Variants in GADL1 observed in about 807,000 individuals in gnomAD.
The protein encoded by GADL1 is acidic amino acid decarboxylase GADL1.
In GADL1, 71 loss-of-function variants were observed where a neutral mutation model predicts 69.5. That is an observed-to-expected ratio of 1.02 (90% CI 0.84 to 1.25). The LOEUF is 1.25. Ranked by LOEUF, GADL1 falls within the 50% of genes most tolerant of loss-of-function variation. The pLI, the probability that GADL1 is intolerant of heterozygous loss-of-function variation, is 0.00. For synonymous variants in GADL1, 254 were observed against 214.4 expected (o/e 1.18, Z -1.62); for missense variants, 737 against 631.8 (o/e 1.17, Z -1.79).
intron 11 of GADL1, among the ~76,000 whole-genome samples, chr3:30,831,246 A>G (rs1362357543): frequency 6.6e-6 from 1 of 151,986 alleles, no homozygotes; most frequent in Non-Finnish European, 1.5e-5. Context: ...TTAGTCTCAT[A>G]TTATGTCAAT....
chr3:30,765,435 C>A (rs1185911525), intron 14 of GADL1, among the ~76,000 whole-genome samples: 1 of 151,000 alleles, frequency 6.6e-6, no homozygotes, highest in Non-Finnish European at 1.5e-5. Flanking sequence ...AAATGAAGTT[C>A]ATGCCTTATT....
intron 1 of GADL1, among the ~76,000 whole-genome samples, chr3:30,864,132 TTCCTC>T (rs1037707271): frequency 6.6e-6 from 1 of 152,026 alleles, no homozygotes; most frequent in Non-Finnish European, 1.5e-5. Context: ...TGAAGGTACT[TTCCTC>T]TCCTCCCAAA....
chr3:30,863,568 A>G (rs1559364282), intron 1 of GADL1, among the ~76,000 whole-genome samples: 1 of 151,930 alleles, frequency 6.6e-6, no homozygotes, highest in Non-Finnish European at 1.5e-5. Flanking sequence ...TCTTTTTCTA[A>G]TCAGTATGTT....
intron 11 of GADL1, among the ~76,000 whole-genome samples, chr3:30,824,906 C>T (rs945252983): frequency 5.3e-5 from 8 of 151,756 alleles, no homozygotes; most frequent in Non-Finnish European, 8.8e-5. Flanking sequence ...TTATTTTATG[C>T]ATGTTTTTAT....
At chr3:30,807,326 C>T (rs1193578903) in intron 11 of GADL1, among the ~76,000 whole-genome samples, 1 of 152,178 alleles carries the variant, frequency 6.6e-6, no homozygotes, top group South Asian at 2.1e-4. Context: ...TATTACAACC[C>T]TCACCCACCT....
At chr3:30,778,656 TC>T in intron 13 of GADL1, 3 of 159,976 alleles carry the variant, frequency 1.9e-5, no homozygotes, top group Admixed American at 6.0e-5. Context: ...TTCCAATAAT[TC>T]TTCTTAAGGC....
intron 14 of GADL1, among the ~76,000 whole-genome samples, chr3:30,739,812 T>C (rs935311068): frequency 1.3e-5 from 2 of 152,308 alleles, no homozygotes; most frequent in Middle Eastern, 3.4e-3. Context: ...ATGTTAAGTA[T>C]GAGGTGTTTG....
chr3:30,889,240 C>A (rs1485354908), intron 1 of GADL1, among the ~76,000 whole-genome samples: 1 of 151,992 alleles, frequency 6.6e-6, no homozygotes, highest in African/African-American at 2.4e-5. Context: ...GTGGAACTGC[C>A]CTTTATAAAA....
intron 1 of GADL1, among the ~76,000 whole-genome samples, chr3:30,870,262 G>A (rs1698461838): frequency 6.6e-6 from 1 of 151,698 alleles, no homozygotes; most frequent in African/African-American, 2.4e-5. Flanking sequence ...GATATAATTT[G>A]GAAAAAATGT....
At chr3:30,784,663 TTG>T (rs1559498849) in intron 13 of GADL1, among the ~76,000 whole-genome samples, 1 of 152,240 alleles carries the variant, frequency 6.6e-6, no homozygotes, top group Non-Finnish European at 1.5e-5. Context: ...GTTTCCAAGT[TTG>T]TCTTGCTTAT....
intron 3 of GADL1, among the ~76,000 whole-genome samples, chr3:30,856,770 G>A (rs1212081214): frequency 6.6e-6 from 1 of 151,958 alleles, no homozygotes; most frequent in East Asian, 1.9e-4. Flanking sequence ...TGTGGGGGTT[G>A]GCAAGGAGAA....
intron 14 of GADL1, among the ~76,000 whole-genome samples, chr3:30,734,087 T>C (rs1313847740): frequency 1.3e-5 from 2 of 152,218 alleles, no homozygotes; most frequent in Admixed American, 1.3e-4. Context: ...TGAGAAAGCA[T>C]GAAATTCTTT....
At chr3:30,781,564 T>A (rs1374855789) in intron 13 of GADL1, among the ~76,000 whole-genome samples, 1 of 152,150 alleles carries the variant, frequency 6.6e-6, no homozygotes, top group African/African-American at 2.4e-5. Flanking sequence ...AGCTTATAGG[T>A]GTTAAGATTA....
rs781369581 is a variant in GADL1, at chr3:30,865,112, T to C, written c.38-3347A>G. ...TTACTGTCCTCCAAGCTCACACAGCTCTATCATCTGTGGTCTTTTTCACCA... is the reference window on the plus strand; with the variant it reads ...TTACTGTCCTCCAAGCTCACACAGCCCTATCATCTGTGGTCTTTTTCACCA... On this transcript the variant is annotated intron_variant, in intron 1 of 14. Coordinates refer to ENST00000282538, the MANE Select transcript of GADL1 (RefSeq NM_207359.3). 1.1e-3 allele frequency among the ~76,000 whole-genome samples: 162 copies of C among 151,902 alleles called. 5 individuals carry two copies. The highest frequency in any genetic ancestry group is 3.2e-4 in the Non-Finnish European group (22 of 67,938).
intron 6 of GADL1, 61 bp from the exon 7 acceptor site, chr3:30,844,527 T>C (rs537655834): frequency 9.4e-7 from 1 of 1,066,948 alleles, no homozygotes; most frequent in Admixed American, 1.7e-5. Flanking sequence ...AAAAAAGCAT[T>C]GCTTATTATC....
chr3:30,775,933 A>C (rs1427565264), intron 14 of GADL1, among the ~76,000 whole-genome samples: 3 of 152,212 alleles, frequency 2.0e-5, no homozygotes, highest in African/African-American at 4.8e-5. Context: ...AAAATACAAA[A>C]ATTCAGCTAA....
chr3:30,883,012 G>T (rs1242982430), intron 1 of GADL1, among the ~76,000 whole-genome samples: 1 of 151,916 alleles, frequency 6.6e-6, no homozygotes, highest in African/African-American at 2.4e-5. Flanking sequence ...TTTAAGTTGA[G>T]TGATATAATT....
intron 9 of GADL1, among the ~76,000 whole-genome samples, chr3:30,836,379 A>G (rs1697873382): frequency 7.0e-6 from 1 of 142,950 alleles, no homozygotes; most frequent in Non-Finnish European, 1.5e-5. Context: ...GGAACAGCTC[A>G]TCCATAAATT....
chr3:30,855,195 T>C (rs1698208591), intron 3 of GADL1, among the ~76,000 whole-genome samples: 1 of 152,090 alleles, frequency 6.6e-6, no homozygotes, highest in Non-Finnish European at 1.5e-5. Flanking sequence ...AGGAAAAACA[T>C]GTTGAAGACA....
Sources: allele counts gnomAD v4.1 joint callset (sites outside exome capture counted in the v4.1 genomes callset), GRCh38; gene constraint gnomAD v4.1.1; transcripts MANE v1.5; gene names NCBI Gene and HGNC (gene_info 2026-07-23, HGNC 2026-07-21).